Variants in MYO16 observed in about 807,000 individuals in gnomAD.
MYO16 encodes unconventional myosin-XVI.
Under a neutral mutation model 205.3 loss-of-function variants are expected in MYO16, and 94 were observed. The observed-to-expected ratio is 0.46, with a 90% CI of 0.39 to 0.54. The LOEUF (loss-of-function observed/expected upper bound fraction) is 0.54, where lower values mean the gene tolerates loss of function less well. Among genes scored for constraint, MYO16 ranks in the 20% least tolerant of loss-of-function variants. MYO16 has a pLI of 0.00. For missense variants in MYO16, 2,315 were observed against 2,387.5 expected, an observed-to-expected ratio of 0.97 and a Z score of 0.63; for synonymous variants, 988 against 954.0, an observed-to-expected ratio of 1.04 and a Z score of -0.66.
chr13:109,187,631 T>C (rs1242760254), intron 34 of MYO16, among the ~76,000 whole-genome samples: 1 of 152,232 alleles, frequency 6.6e-6, no homozygotes, highest in East Asian at 1.9e-4. Context: ...CTTTGGCTAA[T>C]ACTGATGCTT....
Position 108,873,256 on chromosome 13 carries a change from G to C in MYO16, c.1425+7014G>C, listed in dbSNP as rs1049866095. ...TAAAACATTAAATATGATTATATCT[G>C]TAAAGATTATAAAGACGAGGAGAAT... On this transcript the variant is annotated intron_variant, in intron 12 of 34. Transcript: ENST00000457511. Among the ~76,000 whole-genome samples the C allele has an allele frequency of 3.9e-5, 6 of 152,144 alleles. No homozygotes were observed. In the South Asian group the frequency reaches 8.3e-4, roughly 21 times the overall value.
At chr13:109,120,686 G>A (rs915634611) in intron 29 of MYO16, among the ~76,000 whole-genome samples, 2 of 152,182 alleles carry the variant, frequency 1.3e-5, no homozygotes, top group African/African-American at 4.8e-5. Flanking sequence ...TGCAGACATT[G>A]TTCATGTTTT....
At chr13:108,977,636 G>A (rs773210969) in intron 20 of MYO16, among the ~76,000 whole-genome samples, 7 of 152,076 alleles carry the variant, frequency 4.6e-5, no homozygotes, top group Non-Finnish European at 8.8e-5. Context: ...AAATTATTGT[G>A]TATGTGAGGA....
At chr13:108,938,979 C>T (rs575700911) in intron 16 of MYO16, among the ~76,000 whole-genome samples, 1 of 152,332 alleles carries the variant, frequency 6.6e-6, no homozygotes, top group Non-Finnish European at 1.5e-5. Context: ...CCTGTAGCAG[C>T]TCCCCTCTTG....
In MYO16 at chr13:109,055,023, T is replaced by C; in HGVS notation, c.3049-23T>C. On this transcript the variant is annotated intron_variant, in intron 25 of 34. Coordinates refer to ENST00000457511, the MANE Select transcript of MYO16 (RefSeq NM_001198950.3). This position sits in a 1 kb window ranked among gnomAD's most constrained non-coding sequence, Gnocchi z 5.0. ...CCTTTCCTTTCTTTTCTCCTGTCCTTCTTGTCTTTCTTTTTATTACAGTTA... is the reference window on the plus strand; with the variant it reads ...CCTTTCCTTTCTTTTCTCCTGTCCTCCTTGTCTTTCTTTTTATTACAGTTA... The C allele has an allele frequency of 6.9e-7, 1 of 1,447,224 alleles. No individual in the cohort carries two copies. Among genetic ancestry groups the C allele is most frequent in the Non-Finnish European group, 9.5e-7 (1 of 1,052,132 alleles). 89.6% of individuals were successfully genotyped at this position (1,447,224 alleles called of 1,614,324 possible). A position where few individuals can be genotyped will look rare whatever the true frequency, so the allele number is the denominator to read the frequency against.
intron 9 of MYO16, among the ~76,000 whole-genome samples, chr13:108,844,130 AC>A (rs113806219): frequency 6.6e-6 from 1 of 152,014 alleles, no homozygotes; most frequent in African/African-American, 2.4e-5. Context: ...ATAAGTATAT[AC>A]TTTTTTCTTT....
the MYO16 span, among the ~76,000 whole-genome samples, chr13:108,556,525 G>A: frequency 6.6e-6 from 1 of 151,988 alleles, no homozygotes; most frequent in African/African-American, 2.4e-5. Context: ...ATGTATTTTG[G>A]ATAATAATCT....
chr13:109,009,626 T>G (rs1885525044), intron 22 of MYO16, among the ~76,000 whole-genome samples: 1 of 152,222 alleles, frequency 6.6e-6, no homozygotes, highest in Non-Finnish European at 1.5e-5. Flanking sequence ...GCAATTGCGA[T>G]GTACTAATAT....
chr13:108,886,395 C>A (rs1309232335), intron 13 of MYO16: 2 of 456,040 alleles, frequency 4.4e-6, no homozygotes, highest in South Asian at 3.1e-5. Context: ...GGATTTTGCT[C>A]CTTAGCTCGG....
chr13:108,664,779 G>T (rs1429820044), intron 1 of MYO16, among the ~76,000 whole-genome samples: 1 of 152,158 alleles, frequency 6.6e-6, no homozygotes, highest in Non-Finnish European at 1.5e-5. Flanking sequence ...TTTTAACCTA[G>T]TGGTAAATAT....
At chr13:108,717,752 AAGAG>A (rs1374362515) in intron 3 of MYO16, among the ~76,000 whole-genome samples, 2 of 152,156 alleles carry the variant, frequency 1.3e-5, no homozygotes, top group Non-Finnish European at 2.9e-5. Context: ...ATGAGAGAGA[AAGAG>A]AGAATCCTTT....
At chr13:108,908,830 T>A (rs946217220) in intron 15 of MYO16, among the ~76,000 whole-genome samples, 7 of 151,702 alleles carry the variant, frequency 4.6e-5, no homozygotes, top group African/African-American at 1.7e-4. Context: ...AAAAATTAGC[T>A]GGTGTGGTGA....
intron 34 of MYO16, among the ~76,000 whole-genome samples, chr13:109,190,134 C>A (rs1230357886): frequency 1.3e-5 from 2 of 151,980 alleles, no homozygotes; most frequent in Admixed American, 1.3e-4. Context: ...AATCTTTCTA[C>A]ATTTTTAAGG....
chr13:109,051,536 A>G (rs1310173103), intron 24 of MYO16, among the ~76,000 whole-genome samples: 4 of 152,176 alleles, frequency 2.6e-5, no homozygotes, highest in Admixed American at 1.3e-4. Flanking sequence ...AGATATAAGT[A>G]ACACAAGAAA....
At chr13:108,775,494 G>A in intron 4 of MYO16, among the ~76,000 whole-genome samples, 1 of 148,894 alleles carries the variant, frequency 6.7e-6, no homozygotes. Context: ...TGCTATGCCT[G>A]AGTGGTTCAA....
At chr13:108,994,558 G>T (rs1884942462) in intron 21 of MYO16, among the ~76,000 whole-genome samples, 1 of 152,050 alleles carries the variant, frequency 6.6e-6, no homozygotes, top group Admixed American at 6.5e-5. Context: ...ACAGAAGCTG[G>T]ACTTTTTGTC....
At position 108,750,616 on chromosome 13, in the gene MYO16, G is replaced by GA. The variant is rs34552172; in HGVS notation, c.507+23048dup. On this transcript the variant is annotated intron_variant, in intron 4 of 34. Transcript: ENST00000457511. Reference sequence around the variant, plus strand: ...ATATGCCATCTCTACTAAAACTACAGAAAAAAAAAAAAAAAGAAAGAAAGA... The same window carrying GA: ...ATATGCCATCTCTACTAAAACTACAGAAAAAAAAAAAAAAAAGAAAGAAAGA... Among the ~76,000 whole-genome samples, 92 of 129,734 alleles carry GA rather than the reference G, an allele frequency of 7.1e-4. 1 individual carries two copies. The highest frequency in any genetic ancestry group is 2.4e-3 in the African/African-American group (86 of 35,612). The allele number at this position is 129,734 out of a possible 152,430, so 85.1% of individuals were successfully genotyped here. A position where few individuals can be genotyped will look rare whatever the true frequency, so the allele number is the denominator to read the frequency against.
upstream of MYO16, chr13:108,629,396 T>C (rs1879870615): frequency 6.4e-6 from 1 of 155,300 alleles, no homozygotes; most frequent in African/African-American, 2.4e-5. Flanking sequence ...AGGATCCTTC[T>C]ATCCGTGGCT....
At chr13:109,107,440 G>A (rs1889152248) in intron 28 of MYO16, among the ~76,000 whole-genome samples, 1 of 152,058 alleles carries the variant, frequency 6.6e-6, no homozygotes, top group Non-Finnish European at 1.5e-5. Context: ...AAAATCAGTT[G>A]GATGAAGGTT....
Sources: allele counts gnomAD v4.1 joint callset (sites outside exome capture counted in the v4.1 genomes callset), GRCh38; gene constraint gnomAD v4.1.1; non-coding constraint Gnocchi (gnomAD v3.1); transcripts MANE v1.5; gene names NCBI Gene and HGNC (gene_info 2026-07-23, HGNC 2026-07-21).